The following PFDN2 variants were observed in gnomAD, a reference collection of about 807,000 sequenced individuals.
PFDN2 encodes prefoldin 2.
Under a neutral mutation model 18.3 loss-of-function variants are expected in PFDN2, and 7 were observed. The ratio of observed to expected loss-of-function variants is 0.38; its 90% CI spans 0.22 to 0.72. PFDN2 has a LOEUF of 0.72. Among genes scored for constraint, PFDN2 ranks in the 30% least tolerant of loss-of-function variants. The pLI, the probability that PFDN2 is intolerant of heterozygous loss-of-function variation, is 0.47. For synonymous variants in PFDN2, 76 were observed against 75.0 expected, an observed-to-expected ratio of 1.01 and a Z score of -0.07; for missense variants, 181 against 199.1, an observed-to-expected ratio of 0.91 and a Z score of 0.55.
intron 1 of PFDN2, among the ~76,000 whole-genome samples, chr1:161,103,683 C>CATAAA (rs1654622164): frequency 1.3e-5 from 1 of 74,914 alleles, no homozygotes; most frequent in Non-Finnish European, 2.5e-5. Context: ...GACTCCGTCT[C>CATAAA]AAAAAAAAAA....
Position 161,102,183 on chromosome 1 carries a change from G to C in PFDN2, c.165-12C>G. 1.2e-6 allele frequency: 2 copies of C among 1,614,162 alleles called. No homozygotes were observed. Among genetic ancestry groups the C allele is most frequent in the Non-Finnish European group, 1.7e-6 (2 of 1,179,994 alleles). On this transcript the variant is annotated splice_polypyrimidine_tract_variant and intron_variant, in intron 2 of 3. Coordinates refer to ENST00000368010, the MANE Select transcript of PFDN2 (RefSeq NM_012394.4). ...TATCGATCACTAGGCTGGGATAGGA[G>C]AACAAGGCAGGACCTGAGGATTCAG...
At chr1:161,113,608 C>T (rs1263681296) in intron 1 of PFDN2, among the ~76,000 whole-genome samples, 5 of 152,176 alleles carry the variant, frequency 3.3e-5, no homozygotes, top group Admixed American at 3.3e-4. Context: ...TGGCAAAACT[C>T]CATCTCTACA....
chr1:161,115,213 G>A (rs1364682012), intron 1 of PFDN2, among the ~76,000 whole-genome samples: 2 of 152,070 alleles, frequency 1.3e-5, no homozygotes, highest in African/African-American at 4.8e-5. Context: ...ACAGGTGCCC[G>A]CCACCACACC....
At chr1:161,108,969 T>G (rs1485138492) in intron 1 of PFDN2, among the ~76,000 whole-genome samples, 1 of 152,178 alleles carries the variant, frequency 6.6e-6, no homozygotes, top group Admixed American at 6.6e-5. Context: ...CCCTTTAATC[T>G]ACTCCCCACA....
rs369713136 is a variant in PFDN2, at chr1:161,110,503, G to C, written c.75+7449C>G. 3.3e-5 allele frequency among the ~76,000 whole-genome samples: 5 copies of C among 152,074 alleles called. No individual in the cohort carries two copies. In the East Asian group the frequency reaches 7.7e-4, roughly 23 times the overall value. ...CTTATCAAAGCAAATTTATATTCCT[G>C]TTTTCTTTTTTGTTTACCATATAGT... On this transcript the variant is annotated intron_variant, in intron 1 of 3. Transcript: ENST00000368010.
At chr1:161,104,592 A>C (rs1654642699) in intron 1 of PFDN2, among the ~76,000 whole-genome samples, 1 of 151,504 alleles carries the variant, frequency 6.6e-6, no homozygotes, top group Non-Finnish European at 1.5e-5. Context: ...CTACAGGTGC[A>C]CACCACCTAA....
At chr1:161,112,839 G>A (rs932948163) in intron 1 of PFDN2, among the ~76,000 whole-genome samples, 2 of 150,896 alleles carry the variant, frequency 1.3e-5, no homozygotes, top group South Asian at 2.1e-4. Flanking sequence ...ATACTATTAG[G>A]CTTAAAAAAC....
intron 1 of PFDN2, among the ~76,000 whole-genome samples, chr1:161,112,914 A>G (rs77315435): frequency 6.6e-6 from 1 of 151,210 alleles, no homozygotes; most frequent in African/African-American, 2.4e-5. Context: ...AAAAAAAAAA[A>G]AGCTCCCCCT....
At chr1:161,107,424 C>CAAAAAAAAAAAAA (rs34132641) in intron 1 of PFDN2, among the ~76,000 whole-genome samples, 1 of 68,310 alleles carries the variant, frequency 1.5e-5, no homozygotes, top group African/African-American at 6.0e-5. Context: ...GACTCTGTCT[C>CAAAAAAAAAAAAA]AAAAAAAAAA....
chr1:161,100,903 C>G, intron 3 of PFDN2, 44 bp from the exon 4 acceptor site: 1 of 1,455,092 alleles, frequency 6.9e-7, no homozygotes, highest in Non-Finnish European at 9.6e-7. Context: ...TTCAGGACTC[C>G]TTTCCCCCAC....
At chr1:161,103,077 C>T (rs573209908) in intron 1 of PFDN2, among the ~76,000 whole-genome samples, 6 of 152,196 alleles carry the variant, frequency 3.9e-5, no homozygotes, top group East Asian at 3.9e-4. Flanking sequence ...TGGGTCTGCT[C>T]AGTATCCCAT....
chr1:161,110,646 G>A (rs1246025732), intron 1 of PFDN2, among the ~76,000 whole-genome samples: 1 of 152,090 alleles, frequency 6.6e-6, no homozygotes, highest in Non-Finnish European at 1.5e-5. Context: ...GAGGTAGAGA[G>A]TTATGATTGG....
At chr1:161,113,831 T>C (rs745528269) in intron 1 of PFDN2, among the ~76,000 whole-genome samples, 2 of 152,216 alleles carry the variant, frequency 1.3e-5, no homozygotes, top group Non-Finnish European at 2.9e-5. Flanking sequence ...TGTTATTTGC[T>C]TCCATCTTGT....
chr1:161,103,683 CAAAAAAAAAA>C (rs553472563), intron 1 of PFDN2, among the ~76,000 whole-genome samples: 56 of 74,920 alleles, frequency 7.5e-4, no homozygotes, highest in East Asian at 1.7e-3. Context: ...GACTCCGTCT[CAAAAAAAAAA>C]AAAAAAAAAA....
At chr1:161,117,878 A>C in intron 1 of PFDN2, 74 bp downstream of exon 1, 1 of 1,332,640 alleles carries the variant, frequency 7.5e-7, no homozygotes, top group Admixed American at 2.1e-5. Flanking sequence ...GGCCTGCACA[A>C]GCCACAGGCT....
intron 1 of PFDN2, among the ~76,000 whole-genome samples, chr1:161,107,164 G>A (rs990347404): frequency 3.3e-5 from 5 of 152,262 alleles, no homozygotes; most frequent in South Asian, 2.1e-4. Flanking sequence ...GATGGCTCAC[G>A]CCTGTAATCC....
rs1202316436 is a variant in PFDN2 at position 161,100,834 on chromosome 1, G to C, written c.314C>G (p.Thr105Arg). 6.2e-7 allele frequency: 1 copy of C among 1,613,614 alleles called. No individual in the cohort carries two copies. Among genetic ancestry groups the C allele is most frequent in the Admixed American group, 1.7e-5 (1 of 60,020 alleles). ...EQIQKIIETLTQQLQAKGKEL... is the reference protein window; with the variant it reads ...EQIQKIIETLRQQLQAKGKEL... Reference sequence around the variant, plus strand: ...TTTTCCCTTTGCCTGAAGCTGCTGTGTCAGTGTCTCAATGATCTTCTGTAT... The same window carrying C: ...TTTTCCCTTTGCCTGAAGCTGCTGTCTCAGTGTCTCAATGATCTTCTGTAT... Residue 105 changes from threonine to arginine, a missense_variant, in exon 4 of 4, where the codon ACA (threonine) becomes AGA (arginine). By Grantham distance (71) the Thr-to-Arg change is moderately conservative. Transcript: ENST00000368010.
chr1:161,115,846 A>G (rs2101708480), intron 1 of PFDN2, among the ~76,000 whole-genome samples: 1 of 152,272 alleles, frequency 6.6e-6, no homozygotes. Flanking sequence ...GGGTCTTGGA[A>G]TATGTCCCCC....
In PFDN2 at chr1:161,102,785, C is replaced by G. The variant is rs950385981; in HGVS notation, c.76-410G>C. Among the ~76,000 whole-genome samples the G allele has an allele frequency of 2.6e-5, 4 of 152,050 alleles. 1 individual carries two copies. Among genetic ancestry groups the G allele is most frequent in the Non-Finnish European group, 5.9e-5 (4 of 67,996 alleles). On this transcript the variant is annotated intron_variant, in intron 1 of 3. Transcript: ENST00000368010. ...CCATCCTGGCCAACATGGTGAAACT[C>G]TGTCGCTACTAAAAATAGAAAAATT...
Sources: gnomAD v4.1 joint callset for allele counts (sites outside exome capture counted in the v4.1 genomes callset) on GRCh38, gnomAD v4.1.1 for gene constraint, MANE v1.5 for transcripts, NCBI Gene and HGNC (gene_info 2026-07-23, HGNC 2026-07-21) for gene names.